The following KANSL1 variants were observed in gnomAD, a reference collection of about 807,000 sequenced individuals.
The protein encoded by KANSL1 is MLL1/MLL complex subunit KANSL1.
KANSL1 carries 22 observed loss-of-function variants against 103.6 expected under a neutral mutation model. That is an observed-to-expected ratio of 0.21 (90% CI 0.15 to 0.30). The LOEUF (loss-of-function observed/expected upper bound fraction) is 0.30, where lower values mean the gene tolerates loss of function less well. Among genes scored for constraint, KANSL1 ranks in the 10% least tolerant of loss-of-function variants. The pLI, the probability that KANSL1 is intolerant of heterozygous loss-of-function variation, is 1.00. For synonymous variants in KANSL1, 600 were observed against 527.6 expected, an observed-to-expected ratio of 1.14 and a Z score of -1.88; for missense variants, 1,337 against 1,399.8, an observed-to-expected ratio of 0.96 and a Z score of 0.72.
intron 2 of KANSL1, among the ~76,000 whole-genome samples, chr17:46,152,316 C>A (rs550474623): frequency 6.6e-6 from 1 of 152,176 alleles, no homozygotes; most frequent in South Asian, 2.1e-4. Flanking sequence ...ACAAATAACA[C>A]CTTTCACTTA....
rs960036500 is a variant in KANSL1 at position 46,031,671 on chromosome 17, G to C, written c.3123C>G (p.Pro1041=). Residue 1041 remains proline, a synonymous_variant, in exon 15 of 15, where the codon CCC becomes CCG. Coordinates refer to ENST00000432791, the MANE Select transcript of KANSL1 (RefSeq NM_015443.4). ...ACTCCGCCTGGGGACTGTGCGCCAGGGGGAAGGTCCGCCGCTCCCAGGGCT... is the reference window on the plus strand; with the variant it reads ...ACTCCGCCTGGGGACTGTGCGCCAGCGGGAAGGTCCGCCGCTCCCAGGGCT... ...SVQPWERRTF[P]LAHSPQAECE... 57 of 1,610,132 alleles carry C rather than the reference G, an allele frequency of 3.5e-5. No homozygotes were observed. The highest frequency in any genetic ancestry group is 4.2e-5 in the Non-Finnish European group (49 of 1,176,862).
chr17:46,040,845 AGTTATT>A (rs1171150762), intron 7 of KANSL1: 1 of 152,216 alleles, frequency 6.6e-6, no homozygotes, highest in Admixed American at 6.5e-5. Flanking sequence ...GACAGCGTTT[AGTTATT>A]GTTGACATAC....
chr17:46,064,055 A>AG (rs1251832896), intron 6 of KANSL1, among the ~76,000 whole-genome samples: 1 of 83,018 alleles, frequency 1.2e-5, no homozygotes, highest in Non-Finnish European at 2.6e-5. Flanking sequence ...ACTATTAGTA[A>AG]AAAAAAAAAA....
At chr17:46,217,514 T>A (rs2048378423) in intron 1 of KANSL1, among the ~76,000 whole-genome samples, 2 of 150,680 alleles carry the variant, frequency 1.3e-5, no homozygotes, top group South Asian at 2.1e-4. Context: ...GTCATAAAGT[T>A]AAAATGAGGT....
At chr17:46,182,806 G>A (rs866778986) in intron 1 of KANSL1, among the ~76,000 whole-genome samples, 9 of 152,326 alleles carry the variant, frequency 5.9e-5, no homozygotes, top group Middle Eastern at 3.4e-3. Flanking sequence ...GATCCATAAT[G>A]CTAAAGCCGA....
chr17:46,106,238 T>G (rs764746650), intron 2 of KANSL1, among the ~76,000 whole-genome samples: 1 of 152,204 alleles, frequency 6.6e-6, no homozygotes, highest in Non-Finnish European at 1.5e-5. Context: ...AGTCAGCTAC[T>G]GAGAAATCAA....
intron 2 of KANSL1, among the ~76,000 whole-genome samples, chr17:46,129,166 C>T (rs1457158030): frequency 6.6e-6 from 1 of 152,116 alleles, no homozygotes; most frequent in African/African-American, 2.4e-5. Flanking sequence ...CATGTTTGTC[C>T]TATTCAGGTC....
intron 2 of KANSL1, among the ~76,000 whole-genome samples, chr17:46,139,672 G>C (rs2044323720): frequency 6.6e-6 from 1 of 152,204 alleles, no homozygotes; most frequent in Non-Finnish European, 1.5e-5. Flanking sequence ...TTGCCTAACT[G>C]TAAAAATGTG....
intron 7 of KANSL1, chr17:46,045,310 T>C (rs576924549): frequency 6.6e-6 from 1 of 152,276 alleles, no homozygotes; most frequent in African/African-American, 2.4e-5. Flanking sequence ...AATGTGGCAG[T>C]TGTTTGGGTC....
At chr17:46,193,549 CCCGCCGCGCCG>C (rs2047475471), upstream of KANSL1, 1 of 149,310 alleles carries the variant, frequency 6.7e-6, no homozygotes, top group South Asian at 2.1e-4. Context: ...CCAGGGGGCG[CCCGCCGCGCCG>C]CCCCCGCGGG....
chr17:46,064,891 T>C (rs1019105785), intron 6 of KANSL1, among the ~76,000 whole-genome samples: 1 of 152,000 alleles, frequency 6.6e-6, no homozygotes, highest in Non-Finnish European at 1.5e-5. Context: ...AATTTTTTAT[T>C]ATTATTATAC....
At chr17:46,040,588 T>G (rs2146377478) in intron 7 of KANSL1, 1 of 152,376 alleles carries the variant, frequency 6.6e-6, no homozygotes, top group South Asian at 2.1e-4. Flanking sequence ...GCTATTCAAT[T>G]CTTCCGTGTA....
intron 1 of KANSL1, among the ~76,000 whole-genome samples, chr17:46,201,569 T>C (rs1160386072): frequency 6.6e-6 from 1 of 152,148 alleles, no homozygotes; most frequent in Non-Finnish European, 1.5e-5. Context: ...AACAAAATTA[T>C]TTTAAATTTT....
At chr17:46,086,318 C>T (rs992756117) in intron 3 of KANSL1, among the ~76,000 whole-genome samples, 3 of 152,166 alleles carry the variant, frequency 2.0e-5, no homozygotes, top group Admixed American at 2.0e-4. Flanking sequence ...TATTCATCGA[C>T]ATAATTTTAT....
intron 4 of KANSL1, among the ~76,000 whole-genome samples, chr17:46,082,020 A>G (rs775275859): frequency 1.3e-5 from 2 of 152,232 alleles, no homozygotes; most frequent in Non-Finnish European, 2.9e-5. Context: ...ATAGAATAAC[A>G]GTGAATCACC....
At chr17:46,125,101 AGAGGGAGG>A (rs749562466) in intron 2 of KANSL1, among the ~76,000 whole-genome samples, 6 of 19,026 alleles carry the variant, frequency 3.2e-4, no homozygotes, top group Non-Finnish European at 4.7e-4. Context: ...AGGGAGGGAG[AGAGGGAGG>A]GAGGGAGGGA....
intron 1 of KANSL1, among the ~76,000 whole-genome samples, chr17:46,176,133 A>T (rs974862283): frequency 6.6e-6 from 1 of 152,218 alleles, no homozygotes; most frequent in South Asian, 2.1e-4. Flanking sequence ...GAGTAATTGT[A>T]CCCTACTGCC....
chr17:46,058,739 ACACACT>A (rs1371364082), intron 6 of KANSL1, among the ~76,000 whole-genome samples: 131 of 30,082 alleles, frequency 4.4e-3, no homozygotes, highest in Non-Finnish European at 6.4e-3. Context: ...ACACACACAC[ACACACT>A]CTCTCTCTCT....
chr17:46,071,999 G>A (rs985847212), intron 4 of KANSL1, among the ~76,000 whole-genome samples: 1 of 122,266 alleles, frequency 8.2e-6, no homozygotes, highest in Admixed American at 8.9e-5. Flanking sequence ...CCCCCGCCCC[G>A]ATTGAAAGGG....
Sources: gnomAD v4.1 joint callset for allele counts (sites outside exome capture counted in the v4.1 genomes callset) on GRCh38, gnomAD v4.1.1 for gene constraint, MANE v1.5 for transcripts, NCBI Gene and HGNC (gene_info 2026-07-23, HGNC 2026-07-21) for gene names.